Variants in EIF2B4 observed in about 807,000 individuals in gnomAD.
EIF2B4 encodes translation initiation factor eIF2B subunit delta.
EIF2B4 carries 34 observed loss-of-function variants against 66.7 expected under a neutral mutation model. That is an observed-to-expected ratio of 0.51 (90% CI 0.39 to 0.68). EIF2B4 has a LOEUF of 0.68. Ranked by LOEUF, EIF2B4 falls within the 30% of genes least tolerant of loss-of-function variation. The probability of loss-of-function intolerance (pLI) is 0.00; values close to 1 mark genes in which losing one functional copy is unlikely to be tolerated. For synonymous variants in EIF2B4, 278 were observed against 253.6 expected, an observed-to-expected ratio of 1.10 and a Z score of -0.92; for missense variants, 618 against 657.9, an observed-to-expected ratio of 0.94 and a Z score of 0.66.
At chr2:27,369,968 G>A in intron 1 of EIF2B4, 49 bp from the exon 2 acceptor site, 3 of 1,553,166 alleles carry the variant, frequency 1.9e-6, no homozygotes, top group African/African-American at 1.4e-5. Context: ...CTCCGGGAGG[G>A]TTTGGGGGCA....
rs1381727953 is a variant in EIF2B4 at position 27,364,387 on chromosome 2, T to A, written c.*13A>T. ...TAGGGAGTATGGCATTTATTAACCC[T>A]GTGTTTCCCCCGTCACTGGTCACTG... On this transcript the variant is annotated 3_prime_UTR_variant, in exon 13 of 13. Transcript: ENST00000347454. 2 of 1,613,440 alleles carry A rather than the reference T, an allele frequency of 1.2e-6. No individual in the cohort carries two copies. Among genetic ancestry groups the A allele is most frequent in the Non-Finnish European group, 1.7e-6 (2 of 1,179,722 alleles).
rs755881182 is a variant in EIF2B4, at chr2:27,367,751, G to A, written c.777C>T (p.Tyr259=). The A allele has an allele frequency of 2.5e-6, 4 of 1,613,822 alleles. No individual in the cohort carries two copies. The South Asian group carries it at 3.3e-5, about 13-fold the overall frequency. The change falls in exon 8 of 13, where the codon TAC becomes TAT. Residue 259 remains tyrosine (Y), a synonymous_variant. Coordinates refer to ENST00000347454, the MANE Select transcript of EIF2B4 (RefSeq NM_001034116.2). ...ACTTATAGTGTTGTCCCTACCTCATGTAGGGTTTTAGTTTATTCACTAGAT... is the reference window on the plus strand; with the variant it reads ...ACTTATAGTGTTGTCCCTACCTCATATAGGGTTTTAGTTTATTCACTAGAT... The part of the protein sequence containing the change: ...SRDLVNKLKP[Y]MSFLTQCRPL...
chr2:27,368,799 T>C, intron 4 of EIF2B4, 66 bp from the exon 5 acceptor site: 1 of 1,558,266 alleles, frequency 6.4e-7, no homozygotes, highest in African/African-American at 1.4e-5. Context: ...GCTCTTAGGG[T>C]ATAAGGGGCA....
rs765743112 is a variant in EIF2B4, at chr2:27,368,714, C to T, written c.438G>A (p.Glu146=). The T allele has an allele frequency of 1.2e-5, 20 of 1,614,154 alleles. No individual in the cohort carries two copies. The highest frequency in any genetic ancestry group is 3.3e-5 in the South Asian group (3 of 91,084). Residue 146 remains glutamate, a synonymous_variant, in exon 5 of 13, where the codon GAG becomes GAA. Coordinates refer to ENST00000347454, the MANE Select transcript of EIF2B4 (RefSeq NM_001034116.2). ...GAAGTAGGTCATCAACCTGAGGGTA[C>T]TCAGGGAGACGCTTCACTCCTGAAA... ...ETPSGVKRLP[E]YPQVDDLLLR...
chr2:27,367,666 AAG>A lies in EIF2B4; in HGVS notation c.782+78_782+79del, dbSNP rs1681961175. 9 of 1,588,950 alleles carry A rather than the reference AAG, an allele frequency of 5.7e-6. No homozygotes were observed. The Admixed American group carries it at 8.4e-5, about 15-fold the overall frequency. Reference sequence around the variant, plus strand: ...AAAAGAAAATAGAACACAAAATGAAAAGAGAGATAGAAAAGCAGGAAAAAGAG... The same window carrying A: ...AAAAGAAAATAGAACACAAAATGAAAAGAGATAGAAAAGCAGGAAAAAGAG... On this transcript the variant is annotated intron_variant, in intron 8 of 12. Transcript: ENST00000347454.
At position 27,368,479 on chromosome 2, in the gene EIF2B4, G is replaced by A. The variant is rs370123021; in HGVS notation, c.499-16C>T. On this transcript the variant is annotated splice_polypyrimidine_tract_variant and intron_variant, in intron 5 of 12. Transcript: ENST00000347454. ...GTGTAGGAACCTTGACAAAACAAGG[G>A]AACAGGACCAATGGCCCAGAGTTTA... The A allele has an allele frequency of 2.5e-5, 40 of 1,606,858 alleles. No homozygotes were observed. In the South Asian group the frequency reaches 4.3e-4, roughly 17 times the overall value.
At chr2:27,366,437 C>A in intron 11 of EIF2B4, 1 of 390,846 alleles carries the variant, frequency 2.6e-6, no homozygotes, top group Admixed American at 3.6e-5. Context: ...GATCCCAGTA[C>A]TTTGGGAGGC....
chr2:27,367,470 T>A lies in EIF2B4; in HGVS notation c.872A>T (p.Lys291Met). 1.1e-5 allele frequency: 17 copies of A among 1,614,162 alleles called. No homozygotes were observed. Among genetic ancestry groups the A allele is most frequent in the Non-Finnish European group, 1.4e-5 (16 of 1,180,040 alleles). Reference protein sequence around the residue: ...NKEITSVGSSKREEEAKSELR... With the variant: ...NKEITSVGSSMREEEAKSELR... ...CATACTCATCACCTCCTCTTCCCGC[T>A]TGGAACTGCCCACACTGGTGATTTC... is the stretch of plus-strand genomic sequence containing the variant. Residue 291 changes from lysine to methionine, a missense_variant, in exon 9 of 13, where the codon AAG becomes ATG. This residue lies in a region of EIF2B4 where 506 missense variants were observed against 511.9 expected (regional missense o/e 0.99). Coordinates refer to ENST00000347454, the MANE Select transcript of EIF2B4 (RefSeq NM_001034116.2).
intron 11 of EIF2B4, chr2:27,366,546 G>A: frequency 3.2e-6 from 2 of 622,048 alleles, no homozygotes; most frequent in Non-Finnish European, 5.8e-6. Flanking sequence ...TGGGCATGGT[G>A]GCACACACCA....
chr2:27,367,911 T>G (rs968944848), intron 7 of EIF2B4, 89 bp from the exon 8 acceptor site: 1 of 1,506,690 alleles, frequency 6.6e-7, no homozygotes, highest in Non-Finnish European at 9.2e-7. Context: ...AGGAAAATGT[T>G]CTGAGGGTAG....
chr2:27,369,273 A>G (rs1036996119), intron 3 of EIF2B4, 61 bp from the exon 4 acceptor site: 3 of 1,605,516 alleles, frequency 1.9e-6, no homozygotes, highest in Non-Finnish European at 2.5e-6. Context: ...TGCCCCAGCT[A>G]AAACTAGCTT....
intron 11 of EIF2B4, chr2:27,366,384 T>C (rs1681868866): frequency 3.2e-6 from 1 of 316,152 alleles, no homozygotes; most frequent in Non-Finnish European, 6.2e-6. Flanking sequence ...ATAATTCTAA[T>C]ATTTTTAAAT....
chr2:27,368,245 C>T, intron 6 of EIF2B4, 106 bp from the exon 7 acceptor site: 1 of 1,296,540 alleles, frequency 7.7e-7, no homozygotes, highest in Non-Finnish European at 1.1e-6. Flanking sequence ...TTCCCCACTC[C>T]TCTACAGTTC....
chr2:27,366,611 C>T, intron 11 of EIF2B4, 148 bp downstream of exon 11: 1 of 927,838 alleles, frequency 1.1e-6, no homozygotes, highest in Non-Finnish European at 1.7e-6. Flanking sequence ...CCCAGGAGGT[C>T]AAGACTGCAG....
Position 27,364,416 on chromosome 2 carries a change from T to C in EIF2B4, c.1556A>G (p.Lys519Arg), listed in dbSNP as rs768076303. ...TTTCCCCCGTCACTGGTCACTGCTCTTGACTCGTAGAACAACAGGTACAGA... is the reference window on the plus strand; with the variant it reads ...TTTCCCCCGTCACTGGTCACTGCTCCTGACTCGTAGAACAACAGGTACAGA... ...CSSVPVVLRV[K>R]SSDQ Residue 519 changes from lysine (K) to arginine (R), a missense_variant, in exon 13 of 13, where the codon AAG (lysine) becomes AGG (arginine). Around this residue, in one of 4 missense-constraint regions of EIF2B4, gnomAD observed 13 missense variants for 33.0 expected, o/e 0.39. Transcript: ENST00000347454. The C allele has an allele frequency of 1.2e-6, 2 of 1,614,054 alleles. No individual in the cohort carries two copies. The highest frequency in any genetic ancestry group is 1.7e-6 in the Non-Finnish European group (2 of 1,180,014).
At position 27,369,990 on chromosome 2, in the gene EIF2B4, C is replaced by A. The variant is rs375648525; in HGVS notation, c.32-71G>T. The A allele has an allele frequency of 2.1e-5, 33 of 1,539,078 alleles. No homozygotes were observed. The African/African-American group carries it at 4.4e-4, about 21-fold the overall frequency. Reference sequence around the variant, plus strand: ...AGGGTTTGGGGGCACGAGTACTCGGCGCAGCCGGCTGCTGGGTTGGCATGA... The same window carrying A: ...AGGGTTTGGGGGCACGAGTACTCGGAGCAGCCGGCTGCTGGGTTGGCATGA... On this transcript the variant is annotated intron_variant, in intron 1 of 12. Coordinates refer to ENST00000347454, the MANE Select transcript of EIF2B4 (RefSeq NM_001034116.2).
chr2:27,366,926 C>A lies in EIF2B4; in HGVS notation c.1024G>T (p.Val342Leu), dbSNP rs768087185. 4 of 1,614,032 alleles carry A rather than the reference C, an allele frequency of 2.5e-6. No individual in the cohort carries two copies. Among genetic ancestry groups the A allele is most frequent in the African/African-American group, 2.7e-5 (2 of 74,932 alleles). Residue 342 changes from valine to leucine, a missense_variant, in exon 11 of 13, where the codon GTA becomes TTA. Val to Leu is a conservative substitution (Grantham distance 32). Coordinates refer to ENST00000347454, the MANE Select transcript of EIF2B4 (RefSeq NM_001034116.2). The part of the protein sequence containing the change: ...VILVYGCSSL[V>L]SRILQEAWTE... The stretch of plus-strand genomic sequence containing the variant: ...CAAGCCTCCTGAAGAATTCGTGATA[C>A]CAGAGATGAGCTAGAGTGAATGAAG...
At chr2:27,368,850 G>A (rs1438438436) in intron 4 of EIF2B4, 117 bp from the exon 5 acceptor site, 15 of 1,420,254 alleles carry the variant, frequency 1.1e-5, no homozygotes, top group Middle Eastern at 3.5e-4. Flanking sequence ...GGGAGAATAG[G>A]GTAGAAAAGG....
Position 27,364,790 on chromosome 2 carries a change from C to G in EIF2B4, c.1300G>C (p.Val434Leu). 6.2e-7 allele frequency: 1 copy of G among 1,614,200 alleles called. No individual in the cohort carries two copies. The highest frequency in any genetic ancestry group is 8.5e-7 in the Non-Finnish European group (1 of 1,180,046). Residue 434 changes from valine to leucine, a missense_variant, in exon 12 of 13, where the codon GTG becomes CTG. Val to Leu is a conservative substitution (Grantham distance 32, BLOSUM62 1). This residue lies in a region of EIF2B4 where 36 missense variants were observed against 65.5 expected (regional missense o/e 0.55). Transcript: ENST00000347454. The stretch of plus-strand genomic sequence containing the variant: ...TTGTATGTTTCACAGCAAACCAGCA[C>G]TGGTACATTATGGGCTCGAGCCACC... Reference protein sequence around the residue: ...ALVARAHNVPVLVCCETYKFC... With the variant: ...ALVARAHNVPLLVCCETYKFC...
Sources: allele counts gnomAD v4.1 joint callset, GRCh38; gene constraint gnomAD v4.1.1; regional missense constraint gnomAD v4.1.1; transcripts MANE v1.5; gene names NCBI Gene and HGNC (gene_info 2026-07-23, HGNC 2026-07-21).